Variants in SLC12A8 observed in about 807,000 individuals in gnomAD.
SLC12A8 encodes solute carrier family 12 member 8.
A neutral mutation model predicts 75.6 loss-of-function variants in SLC12A8; 69 were observed. The observed-to-expected ratio is 0.91, with a 90% CI of 0.75 to 1.11. The LOEUF is 1.11. Among genes scored for constraint, SLC12A8 ranks in the 50% most tolerant of loss-of-function variants. The pLI is 0.00. For synonymous variants in SLC12A8, 365 were observed against 372.8 expected (o/e 0.98, Z 0.24); for missense variants, 877 against 896.7 (o/e 0.98, Z 0.28).
rs1172005614 is a variant in SLC12A8 at position 125,190,620 on chromosome 3, TA to T, written c.52-100del. On this transcript the variant is annotated intron_variant, in intron 2 of 13. Coordinates refer to ENST00000469902, the MANE Select transcript of SLC12A8 (RefSeq NM_024628.6). ...AGGAGGGAGGTAGGAGAACTCAGCT[TA>T]AAAACAGTCCTGTCTTATTGTGCCA... The T allele has an allele frequency of 1.7e-5, 23 of 1,393,844 alleles. No homozygotes were observed. The Middle Eastern group carries it at 8.1e-4, about 49-fold the overall frequency. The allele number at this position is 1,393,844 out of a possible 1,614,324, so 86.3% of individuals were successfully genotyped here. A position where few individuals can be genotyped will look rare whatever the true frequency, so the allele number is the denominator to read the frequency against.
At chr3:125,161,489 A>G (rs1007657871) in intron 5 of SLC12A8, among the ~76,000 whole-genome samples, 14 of 152,066 alleles carry the variant, frequency 9.2e-5, no homozygotes, top group South Asian at 2.1e-4. Flanking sequence ...CAAATCCCCA[A>G]CTGGATTCCA....
At chr3:125,183,422 A>C (rs1230521705) in intron 4 of SLC12A8, among the ~76,000 whole-genome samples, 1 of 152,024 alleles carries the variant, frequency 6.6e-6, no homozygotes, top group African/African-American at 2.4e-5. Context: ...TTCAGGGTGT[A>C]ATGCTTCCAT....
intron 3 of SLC12A8, among the ~76,000 whole-genome samples, chr3:125,190,112 GCTCAT>G (rs1934878923): frequency 6.6e-6 from 1 of 152,198 alleles, no homozygotes; most frequent in Non-Finnish European, 1.5e-5. Flanking sequence ...CTCAAGTCCG[GCTCAT>G]GATGAGCCCT....
At chr3:125,204,633 TAA>T (rs938383080) in intron 2 of SLC12A8, among the ~76,000 whole-genome samples, 14 of 152,244 alleles carry the variant, frequency 9.2e-5, no homozygotes, top group Admixed American at 5.2e-4. Flanking sequence ...CATAGTTAGA[TAA>T]AAAGAGTAAG....
At chr3:125,121,278 A>T (rs1420321334) in intron 6 of SLC12A8, among the ~76,000 whole-genome samples, 4 of 152,238 alleles carry the variant, frequency 2.6e-5, no homozygotes, top group Admixed American at 6.5e-5. Flanking sequence ...AAATGAATTA[A>T]TCCATGAGGG....
At chr3:125,132,840 A>G (rs967972809) in intron 6 of SLC12A8, among the ~76,000 whole-genome samples, 2 of 152,290 alleles carry the variant, frequency 1.3e-5, no homozygotes, top group South Asian at 2.1e-4. Flanking sequence ...TAGCTTGAAG[A>G]TCCCCAACAT....
chr3:125,176,123 C>T (rs1560076507), intron 5 of SLC12A8, among the ~76,000 whole-genome samples: 1 of 152,182 alleles, frequency 6.6e-6, no homozygotes, highest in Non-Finnish European at 1.5e-5. Flanking sequence ...GGCTGGCCTC[C>T]AAGGGGAAAA....
chr3:125,151,879 T>G (rs1240199500), intron 5 of SLC12A8, among the ~76,000 whole-genome samples: 5 of 152,254 alleles, frequency 3.3e-5, no homozygotes, highest in African/African-American at 1.2e-4. Context: ...AAATTGATGG[T>G]GACTTGGAAT....
At chr3:125,115,418 G>A (rs1448267851) in intron 8 of SLC12A8, among the ~76,000 whole-genome samples, 2 of 152,132 alleles carry the variant, frequency 1.3e-5, no homozygotes, top group Admixed American at 6.5e-5. Context: ...AGCTACTTGG[G>A]GGGCTGAAGC....
In SLC12A8 at chr3:125,110,485, C is replaced by T. The variant is rs538675962; in HGVS notation, c.913-150G>A. ...GATACAGTTTCCACATCCCCAGCCT[C>T]GCCCCCATTCATTCCATGGTTTCAG... is the stretch of plus-strand genomic sequence containing the variant. On this transcript the variant is annotated intron_variant, in intron 8 of 13. Coordinates refer to ENST00000469902, the MANE Select transcript of SLC12A8 (RefSeq NM_024628.6). 18 of 639,890 alleles carry T rather than the reference C, an allele frequency of 2.8e-5. 1 individual carries two copies. The highest frequency in any genetic ancestry group is 2.5e-4 in the African/African-American group (14 of 54,968). The allele number at this position is 639,890 out of a possible 1,614,324, so 39.6% of individuals were successfully genotyped here.
At chr3:125,168,973 C>CA (rs968808271) in intron 5 of SLC12A8, among the ~76,000 whole-genome samples, 8 of 152,214 alleles carry the variant, frequency 5.3e-5, no homozygotes, top group Admixed American at 6.5e-5. Flanking sequence ...AGAGAGTGTG[C>CA]AGTGCAGGCT....
chr3:125,156,715 C>A (rs1439905563), intron 5 of SLC12A8, among the ~76,000 whole-genome samples: 4 of 152,154 alleles, frequency 2.6e-5, no homozygotes, highest in Non-Finnish European at 5.9e-5. Flanking sequence ...ATCTCTACCC[C>A]ACCTCGACTG....
Position 125,091,555 on chromosome 3 carries a change from G to A in SLC12A8, c.1805C>T (p.Ala602Val), listed in dbSNP as rs1473930456. The A allele has an allele frequency of 5.6e-6, 9 of 1,608,274 alleles. No homozygotes were observed. The East Asian group carries it at 1.1e-4, about 20-fold the overall frequency. Residue 602 changes from alanine (A) to valine (V), a missense_variant and splice_region_variant, in exon 12 of 14, where the codon GCT becomes GTT. Physicochemically the swap from Ala to Val is moderately conservative, Grantham distance 64. Transcript: ENST00000469902. Reference sequence around the variant, plus strand: ...AAACATGATGAGAAGGGACCCAACAGCCTGTGAAAACAGAGTAGGAAGAGC... The same window carrying A: ...AAACATGATGAGAAGGGACCCAACAACCTGTGAAAACAGAGTAGGAAGAGC... ...MCNPWVSLLG[A>V]VGSLLIMFVI...
At chr3:125,186,592 A>G (rs879659728) in intron 4 of SLC12A8, among the ~76,000 whole-genome samples, 1 of 152,228 alleles carries the variant, frequency 6.6e-6, no homozygotes, top group Non-Finnish European at 1.5e-5. Flanking sequence ...TAATGTCTGT[A>G]CTTTGTTCCC....
At chr3:125,087,977 T>G in intron 13 of SLC12A8, 1 of 252,112 alleles carries the variant, frequency 4.0e-6, no homozygotes. Context: ...TGATTATGCA[T>G]TGATGTGAAT....
At chr3:125,201,307 G>A (rs1272122739) in intron 2 of SLC12A8, among the ~76,000 whole-genome samples, 1 of 152,098 alleles carries the variant, frequency 6.6e-6, no homozygotes, top group Non-Finnish European at 1.5e-5. Context: ...GGAGGCTGAG[G>A]TGGGAGGATC....
intron 5 of SLC12A8, among the ~76,000 whole-genome samples, chr3:125,150,598 C>T (rs186586607): frequency 6.6e-6 from 1 of 152,234 alleles, no homozygotes; most frequent in Non-Finnish European, 1.5e-5. Flanking sequence ...TACAGGAAAT[C>T]TCCAAACCAA....
intron 3 of SLC12A8, among the ~76,000 whole-genome samples, chr3:125,189,665 G>A (rs1461998886): frequency 6.6e-6 from 1 of 152,198 alleles, no homozygotes; most frequent in Non-Finnish European, 1.5e-5. Flanking sequence ...CACAGCAGGT[G>A]CTCATCCATG....
intron 5 of SLC12A8, among the ~76,000 whole-genome samples, chr3:125,159,410 A>T (rs947338695): frequency 6.6e-6 from 1 of 152,090 alleles, no homozygotes; most frequent in African/African-American, 2.4e-5. Context: ...GATTTTTAAA[A>T]GGATATAAAT....
Sources: gnomAD v4.1 joint callset for allele counts (sites outside exome capture counted in the v4.1 genomes callset) on GRCh38, gnomAD v4.1.1 for gene constraint, MANE v1.5 for transcripts, NCBI Gene and HGNC (gene_info 2026-07-23, HGNC 2026-07-21) for gene names.